Variants in ANKS1B observed in about 807,000 individuals in gnomAD.
ANKS1B encodes the protein ankyrin repeat and sterile alpha motif domain containing 1B.
A neutral mutation model predicts 148.3 loss-of-function variants in ANKS1B; 36 were observed. The observed-to-expected ratio is 0.24, with a 90% CI of 0.19 to 0.32. ANKS1B has a LOEUF of 0.32. Among genes scored for constraint, ANKS1B ranks in the 10% least tolerant of loss-of-function variants. The pLI is 1.00. For missense variants in ANKS1B, 1,157 were observed against 1,542.6 expected (o/e 0.75, Z 4.19); for synonymous variants, 542 against 560.8 (o/e 0.97, Z 0.47).
intron 12 of ANKS1B, among the ~76,000 whole-genome samples, chr12:99,268,881 G>A (rs2076726904): frequency 6.6e-6 from 1 of 152,090 alleles, no homozygotes; most frequent in Non-Finnish European, 1.5e-5. Context: ...TTTTTATTAG[G>A]GAACGCCATT....
chr12:99,192,591 TAA>T (rs2080880076), intron 14 of ANKS1B, among the ~76,000 whole-genome samples: 1 of 152,138 alleles, frequency 6.6e-6, no homozygotes, highest in African/African-American at 2.4e-5. Flanking sequence ...TTATTTCTAA[TAA>T]CAACGAAGAT....
At chr12:99,719,771 C>T (rs1366614699) in intron 8 of ANKS1B, among the ~76,000 whole-genome samples, 1 of 152,192 alleles carries the variant, frequency 6.6e-6, no homozygotes, top group Non-Finnish European at 1.5e-5. Flanking sequence ...AGCTGCTTTA[C>T]TTCCAAAGGA....
At chr12:99,070,548 G>A (rs1013371451) in intron 16 of ANKS1B, among the ~76,000 whole-genome samples, 4 of 152,132 alleles carry the variant, frequency 2.6e-5, no homozygotes, top group Non-Finnish European at 4.4e-5. Context: ...TGGTTATTAC[G>A]AATGAGAAAA....
chr12:99,607,299 C>A (rs1487757979), intron 9 of ANKS1B, among the ~76,000 whole-genome samples: 1 of 152,038 alleles, frequency 6.6e-6, no homozygotes, highest in Non-Finnish European at 1.5e-5. Flanking sequence ...TTCCCCCTAG[C>A]TTTGACCTAC....
chr12:99,029,800 A>G (rs1383804120), intron 17 of ANKS1B, among the ~76,000 whole-genome samples: 1 of 152,238 alleles, frequency 6.6e-6, no homozygotes, highest in African/African-American at 2.4e-5. Context: ...TTGGATGTGA[A>G]TAGACCTGGG....
intron 1 of ANKS1B, among the ~76,000 whole-genome samples, chr12:99,928,278 T>TA (rs1566017491): frequency 1.4e-5 from 2 of 148,120 alleles, no homozygotes; most frequent in African/African-American, 4.9e-5. Flanking sequence ...TTTATTTTTT[T>TA]TTTTTTTTTT....
chr12:99,114,001 G>A (rs1323442224), intron 15 of ANKS1B, among the ~76,000 whole-genome samples: 1 of 152,136 alleles, frequency 6.6e-6, no homozygotes, highest in Non-Finnish European at 1.5e-5. Context: ...CTTTCTTCCT[G>A]TATTCCTAGT....
chr12:99,768,323 T>C (rs1285019172), intron 8 of ANKS1B, among the ~76,000 whole-genome samples: 2 of 152,194 alleles, frequency 1.3e-5, no homozygotes, highest in South Asian at 4.1e-4. Context: ...CAATATAACA[T>C]AGAAATGTTA....
chr12:98,735,317 G>A, exon 10 of ANKS1B: 1 of 403,244 alleles, frequency 2.5e-6, no homozygotes, highest in Admixed American at 4.3e-5. Context: ...TGTATGTTTT[G>A]AAACTCTTGT....
intron 1 of ANKS1B, among the ~76,000 whole-genome samples, chr12:99,977,611 A>C (rs1309929176): frequency 6.6e-6 from 1 of 152,210 alleles, no homozygotes; most frequent in Admixed American, 6.5e-5. Flanking sequence ...GATTTAACAC[A>C]AATGTAAAAT....
chr12:98,742,037 A>G (rs901959715), downstream of ANKS1B, among the ~76,000 whole-genome samples: 1 of 151,956 alleles, frequency 6.6e-6, no homozygotes, highest in African/African-American at 2.4e-5. Flanking sequence ...TGGTTGTAAA[A>G]TCTGACTCCA....
chr12:99,712,582 C>T (rs797011773), intron 8 of ANKS1B, among the ~76,000 whole-genome samples: 15 of 152,250 alleles, frequency 9.9e-5, no homozygotes, highest in African/African-American at 2.4e-4. Context: ...CTTAAAAGTC[C>T]CAAACCTTAT....
At chr12:99,982,035 T>C (rs2095709930) in intron 1 of ANKS1B, among the ~76,000 whole-genome samples, 1 of 152,158 alleles carries the variant, frequency 6.6e-6, no homozygotes, top group African/African-American at 2.4e-5. Context: ...GAATACAATT[T>C]CAACTCTCAT....
At chr12:99,895,304 G>A (rs575508187) in intron 1 of ANKS1B, among the ~76,000 whole-genome samples, 10 of 149,918 alleles carry the variant, frequency 6.7e-5, no homozygotes, top group South Asian at 4.2e-4. Flanking sequence ...CAGAACCAAC[G>A]GGATAGAGAA....
At chr12:99,257,823 T>C (rs1157109978) in intron 12 of ANKS1B, among the ~76,000 whole-genome samples, 1 of 152,176 alleles carries the variant, frequency 6.6e-6, no homozygotes, top group Non-Finnish European at 1.5e-5. Flanking sequence ...CTGAGCTGTG[T>C]TGACTCAGCC....
chr12:99,852,082 A>G (rs915960511), intron 1 of ANKS1B, among the ~76,000 whole-genome samples: 1 of 152,236 alleles, frequency 6.6e-6, no homozygotes, highest in African/African-American at 2.4e-5. Context: ...AAACACATCA[A>G]GCAAATAATG....
chr12:99,477,973 C>T (rs2096352164), intron 10 of ANKS1B, among the ~76,000 whole-genome samples: 1 of 152,106 alleles, frequency 6.6e-6, no homozygotes, highest in Admixed American at 6.6e-5. Context: ...TAAGTGAATG[C>T]TCACCAGTAG....
In ANKS1B at chr12:99,400,392, T is replaced by C. The variant is rs1224276371; in HGVS notation, c.1576-581A>G. ...ATATGCTTGGTATTTTTAGTGAACT[T>C]TGATTTTCTTTTTTAAGAATTTTAA... is the stretch of plus-strand genomic sequence containing the variant. On this transcript the variant is annotated intron_variant, in intron 11 of 26. Transcript: ENST00000683438. Among the ~76,000 whole-genome samples the C allele has an allele frequency of 2.7e-5, 4 of 145,918 alleles. 1 individual carries two copies. The highest frequency in any genetic ancestry group is 6.1e-5 in the Non-Finnish European group (4 of 66,008).
At chr12:99,768,023 G>T (rs2062817878) in intron 8 of ANKS1B, among the ~76,000 whole-genome samples, 1 of 152,058 alleles carries the variant, frequency 6.6e-6, no homozygotes. Context: ...TGGAAGAAAA[G>T]AGACAACAAA....
Sources: allele counts gnomAD v4.1 joint callset (sites outside exome capture counted in the v4.1 genomes callset), GRCh38; gene constraint gnomAD v4.1.1; transcripts MANE v1.5; gene names NCBI Gene and HGNC (gene_info 2026-07-23, HGNC 2026-07-21).